Variants in RBPMS observed in about 807,000 individuals in gnomAD.
The protein encoded by RBPMS is RNA-binding protein with multiple splicing.
In RBPMS, 7 loss-of-function variants were observed where a neutral mutation model predicts 26.8. The observed-to-expected ratio is 0.26, with a 90% CI of 0.15 to 0.49. The LOEUF (loss-of-function observed/expected upper bound fraction) is 0.49. Among genes scored for constraint, RBPMS ranks in the 20% least tolerant of loss-of-function variants. RBPMS has a pLI of 0.98. For synonymous variants in RBPMS, 96 were observed against 93.3 expected, an observed-to-expected ratio of 1.03 and a Z score of -0.17; for missense variants, 186 against 250.0, an observed-to-expected ratio of 0.74 and a Z score of 1.73.
At chr8:30,555,728 C>T (rs1411087719) in intron 6 of RBPMS, among the ~76,000 whole-genome samples, 1 of 152,236 alleles carries the variant, frequency 6.6e-6, no homozygotes, top group Non-Finnish European at 1.5e-5. Context: ...GACCTTGACG[C>T]AGGCAGTCTG....
chr8:30,557,269 G>A (rs935664692), intron 6 of RBPMS, among the ~76,000 whole-genome samples: 2 of 152,230 alleles, frequency 1.3e-5, no homozygotes, highest in Non-Finnish European at 1.5e-5. Flanking sequence ...CGCTCGTGAG[G>A]AGGCCCATGG....
chr8:30,438,309 A>C (rs2150696272), intron 1 of RBPMS, among the ~76,000 whole-genome samples: 1 of 152,310 alleles, frequency 6.6e-6, no homozygotes, highest in Middle Eastern at 3.4e-3. Context: ...TCAGGTACAG[A>C]GTATAACCAA....
intron 1 of RBPMS, among the ~76,000 whole-genome samples, chr8:30,453,461 G>A (rs886915395): frequency 1.3e-5 from 2 of 152,078 alleles, no homozygotes; most frequent in African/African-American, 4.8e-5. Context: ...CTAAAAAAAA[G>A]AAACAAAACA....
At chr8:30,525,309 T>C (rs1439172719) in intron 5 of RBPMS, among the ~76,000 whole-genome samples, 1 of 152,206 alleles carries the variant, frequency 6.6e-6, no homozygotes, top group Admixed American at 6.5e-5. Flanking sequence ...ACTATGTGAT[T>C]CTTTTAACAA....
At chr8:30,386,320 A>G (rs12156340) in intron 1 of RBPMS, among the ~76,000 whole-genome samples, 2 of 152,082 alleles carry the variant, frequency 1.3e-5, no homozygotes, top group African/African-American at 4.8e-5. Flanking sequence ...ACTTCTCTGC[A>G]CATTGTCCAC....
Position 30,384,784 on chromosome 8 carries a change from C to T in RBPMS, c.-309C>T. 3.7e-6 allele frequency: 1 copy of T among 269,688 alleles called. No homozygotes were observed. The highest frequency in any genetic ancestry group is 6.9e-6 in the Non-Finnish European group (1 of 144,426). The allele number at this position is 269,688 out of a possible 1,614,324, so 16.7% of individuals were successfully genotyped here. Reference sequence around the variant, plus strand: ...TTCCTTCTTCCTTCCTCCCCTGGCTCCCGCCCTCCCTCTCCAGGTCGCCCT... The same window carrying T: ...TTCCTTCTTCCTTCCTCCCCTGGCTTCCGCCCTCCCTCTCCAGGTCGCCCT... On this transcript the variant is annotated 5_prime_UTR_variant, in exon 1 of 9. Coordinates refer to ENST00000397323, the MANE Select transcript of RBPMS (RefSeq NM_001008710.3). The surrounding 1 kb of genome is among the most constrained non-coding windows in gnomAD (Gnocchi z 5.6).
intron 1 of RBPMS, among the ~76,000 whole-genome samples, chr8:30,393,644 A>G (rs1423506689): frequency 1.3e-5 from 2 of 151,918 alleles, no homozygotes; most frequent in Non-Finnish European, 1.5e-5. Context: ...CAGCCTCCCA[A>G]GTAGCTGGGA....
At chr8:30,511,479 AAAAAAAAATATATATATATAT>A (rs1324701436) in intron 5 of RBPMS, among the ~76,000 whole-genome samples, 1,982 of 87,060 alleles carry the variant, frequency 0.023, 47 homozygotes, top group Middle Eastern at 0.032. Flanking sequence ...AAGAAAAAAA[AAAAAAAAATATATATATATAT>A]ATATATATAT....
rs898395825 is a variant in RBPMS at position 30,409,913 on chromosome 8, G to C, written c.66+24755G>C. On this transcript the variant is annotated intron_variant, in intron 1 of 8. Transcript: ENST00000397323. ...CCCAAAGTGCTGGGATTATAGGCGT[G>C]AGCCACCGCACCCAGCCTTACTTAT... Among the ~76,000 whole-genome samples the C allele has an allele frequency of 5.3e-5, 8 of 152,178 alleles. No individual in the cohort carries two copies. The South Asian group carries it at 8.3e-4, about 16-fold the overall frequency.
At chr8:30,450,180 A>C (rs1036080925) in intron 1 of RBPMS, among the ~76,000 whole-genome samples, 6 of 152,236 alleles carry the variant, frequency 3.9e-5, no homozygotes, top group African/African-American at 1.4e-4. Context: ...ACATATAGAC[A>C]CTTTAAAATC....
chr8:30,520,851 T>C (rs926408587), intron 5 of RBPMS, among the ~76,000 whole-genome samples: 2 of 152,048 alleles, frequency 1.3e-5, no homozygotes, highest in Admixed American at 6.6e-5. Flanking sequence ...ATTACTAAGA[T>C]TCTTTGATTA....
At chr8:30,556,200 C>T in intron 6 of RBPMS, 1 of 985,442 alleles carries the variant, frequency 1.0e-6, no homozygotes, top group South Asian at 4.7e-5. Context: ...CACATCCACT[C>T]TGAGGAGCAG....
intron 1 of RBPMS, chr8:30,444,774 A>G (rs1351780127): frequency 6.6e-6 from 1 of 152,246 alleles, no homozygotes; most frequent in East Asian, 1.9e-4. Context: ...CCTAGCCAAA[A>G]CAATTGAACA....
At chr8:30,496,414 C>T (rs561503818) in intron 4 of RBPMS, among the ~76,000 whole-genome samples, 11 of 152,204 alleles carry the variant, frequency 7.2e-5, no homozygotes, top group Admixed American at 2.6e-4. Flanking sequence ...GTGATCTGCC[C>T]TCCTTGGCCT....
Position 30,570,804 on chromosome 8 carries a change from T to C in RBPMS, c.*279T>C, listed in dbSNP as rs984333640. ...TTATTTGTGAATGCATGGTCTGAAA[T>C]TTCTGTACAGTTTGGAGATATTTTC... On this transcript the variant is annotated 3_prime_UTR_variant, in exon 9 of 9. Transcript: ENST00000397323. 6.6e-6 allele frequency: 1 copy of C among 152,632 alleles called. No individual in the cohort carries two copies. The highest frequency in any genetic ancestry group is 2.4e-5 in the African/African-American group (1 of 41,458). 9.5% of individuals were successfully genotyped at this position (152,632 alleles called of 1,614,324 possible). A position where few individuals can be genotyped will look rare whatever the true frequency, so the allele number is the denominator to read the frequency against.
chr8:30,461,464 G>T (rs1341366482), intron 1 of RBPMS, among the ~76,000 whole-genome samples: 2 of 152,084 alleles, frequency 1.3e-5, no homozygotes, highest in Admixed American at 6.6e-5. Context: ...GCCCAATCTC[G>T]GCTCACTGCA....
intron 5 of RBPMS, among the ~76,000 whole-genome samples, chr8:30,527,685 A>C (rs1319716262): frequency 6.6e-6 from 1 of 152,168 alleles, no homozygotes; most frequent in African/African-American, 2.4e-5. Flanking sequence ...ACAGTGTGAG[A>C]AAAGGAAAAC....
Position 30,486,812 on chromosome 8 carries a change from TCTC to T in RBPMS, c.246+7436_246+7438del, listed in dbSNP as rs1818844207. Among the ~76,000 whole-genome samples the T allele has an allele frequency of 3.3e-5, 5 of 152,176 alleles. No homozygotes were observed. In the South Asian group the frequency reaches 1.0e-3, roughly 32 times the overall value. On this transcript the variant is annotated intron_variant, in intron 4 of 8. Coordinates refer to ENST00000397323, the MANE Select transcript of RBPMS (RefSeq NM_001008710.3). ...GGAAATCTCAACTTCACCCAGCTCT[TCTC>T]TAGGTAAAACATTTCCATCAGATAA...
chr8:30,532,414 G>C (rs1824321406), intron 5 of RBPMS, among the ~76,000 whole-genome samples: 1 of 152,128 alleles, frequency 6.6e-6, no homozygotes, highest in Non-Finnish European at 1.5e-5. Context: ...AGTTACTAAT[G>C]TTACTGTTGT....
Sources: gnomAD v4.1 joint callset for allele counts (sites outside exome capture counted in the v4.1 genomes callset) on GRCh38, gnomAD v4.1.1 for gene constraint, Gnocchi (gnomAD v3.1) non-coding constraint, MANE v1.5 for transcripts, NCBI Gene and HGNC (gene_info 2026-07-23, HGNC 2026-07-21) for gene names.